The following RIC1 variants were observed in gnomAD, a reference collection of about 807,000 sequenced individuals.
RIC1 encodes the protein guanine nucleotide exchange factor subunit RIC1.
Under a neutral mutation model 169.0 loss-of-function variants are expected in RIC1, and 88 were observed. That is an observed-to-expected ratio of 0.52 (90% CI 0.44 to 0.62). The LOEUF is 0.62. Among genes scored for constraint, RIC1 ranks in the 20% least tolerant of loss-of-function variants. RIC1 has a pLI of 0.00. For synonymous variants in RIC1, 790 were observed against 601.5 expected (o/e 1.31, Z -4.59); for missense variants, 1,877 against 1,725.5 (o/e 1.09, Z -1.56).
intron 12 of RIC1, among the ~76,000 whole-genome samples, chr9:5,750,203 CA>C (rs1554680168): frequency 6.6e-6 from 1 of 151,842 alleles, no homozygotes; most frequent in Admixed American, 6.5e-5. Context: ...TTACAGAACA[CA>C]AAGTTTCTAG....
In RIC1 at chr9:5,775,179, A is replaced by C. The variant is rs1471227876; in HGVS notation, c.*933A>C. On this transcript the variant is annotated 3_prime_UTR_variant, in exon 26 of 26. Transcript: ENST00000414202. ...TCATGAAATGCAGCAAGTTTTGTGC[A>C]AATTAACATAGTCTCTTATTTATTG... is the stretch of plus-strand genomic sequence containing the variant. The C allele has an allele frequency of 6.6e-6, 1 of 152,260 alleles. No homozygotes were observed. The highest frequency in any genetic ancestry group is 1.5e-5 in the Non-Finnish European group (1 of 68,034). The allele number at this position is 152,260 out of a possible 1,614,324, so 9.4% of individuals were successfully genotyped here.
intron 1 of RIC1, 134 bp downstream of exon 1, chr9:5,629,587 C>A: frequency 9.8e-7 from 1 of 1,018,842 alleles, no homozygotes; most frequent in Non-Finnish European, 1.3e-6. Context: ...AGTCCGCGTC[C>A]TCGTTCCACC....
chr9:5,734,714 A>T (rs1347082830), intron 7 of RIC1, among the ~76,000 whole-genome samples: 1 of 151,684 alleles, frequency 6.6e-6, no homozygotes, highest in African/African-American at 2.4e-5. Flanking sequence ...CACAACTCTT[A>T]TTCCCTCCTT....
chr9:5,755,773 A>G (rs1825972459), intron 15 of RIC1, among the ~76,000 whole-genome samples: 1 of 152,036 alleles, frequency 6.6e-6, no homozygotes, highest in Non-Finnish European at 1.5e-5. Flanking sequence ...AAATGCAAAA[A>G]TTATCCAGGT....
chr9:5,679,745 T>G (rs891687862), intron 2 of RIC1, among the ~76,000 whole-genome samples: 308 of 152,290 alleles, frequency 2.0e-3, no homozygotes, highest in African/African-American at 6.7e-3. Flanking sequence ...TTTGGGCTGA[T>G]ACGATGGGGT....
intron 21 of RIC1, among the ~76,000 whole-genome samples, chr9:5,767,414 T>G (rs1052634481): frequency 7.9e-5 from 12 of 152,138 alleles, no homozygotes; most frequent in African/African-American, 2.9e-4. Context: ...TTCCTTCCTA[T>G]GTTCTTCTGT....
chr9:5,703,087 G>C (rs943690097), intron 3 of RIC1, among the ~76,000 whole-genome samples: 12 of 152,072 alleles, frequency 7.9e-5, no homozygotes, highest in Non-Finnish European at 4.4e-5. Flanking sequence ...GCCTTCACAA[G>C]AGTCCCCCAA....
chr9:5,657,543 G>A (rs565648124), intron 2 of RIC1, among the ~76,000 whole-genome samples: 39 of 152,148 alleles, frequency 2.6e-4, no homozygotes, highest in African/African-American at 8.9e-4. Context: ...TCTTATCCAA[G>A]GTTACATGCG....
intron 14 of RIC1, among the ~76,000 whole-genome samples, chr9:5,754,380 T>C (rs1825882285): frequency 6.6e-6 from 1 of 152,198 alleles, no homozygotes; most frequent in Non-Finnish European, 1.5e-5. Context: ...TGGATCATTA[T>C]TAATAAAGGC....
chr9:5,722,401 TG>T (rs1823662421), intron 6 of RIC1, among the ~76,000 whole-genome samples: 1 of 150,938 alleles, frequency 6.6e-6, no homozygotes, highest in Non-Finnish European at 1.5e-5. Flanking sequence ...AGTGTATGTG[TG>T]GGTCTATAGG....
intron 3 of RIC1, among the ~76,000 whole-genome samples, chr9:5,694,060 C>T (rs1053827539): frequency 6.6e-6 from 1 of 152,144 alleles, no homozygotes; most frequent in Non-Finnish European, 1.5e-5. Context: ...CATATAATTT[C>T]ATCAGATGGC....
At chr9:5,705,198 T>TG (rs1468384225) in intron 3 of RIC1, among the ~76,000 whole-genome samples, 1 of 150,768 alleles carries the variant, frequency 6.6e-6, no homozygotes, top group Admixed American at 6.6e-5. Flanking sequence ...TTCTGTTTTT[T>TG]TTTTTTTTTT....
chr9:5,661,266 A>AG (rs1819432559), intron 2 of RIC1, among the ~76,000 whole-genome samples: 1 of 152,148 alleles, frequency 6.6e-6, no homozygotes, highest in Admixed American at 6.6e-5. Flanking sequence ...GTCAGGTAGC[A>AG]TGATGCCTCT....
At chr9:5,632,391 A>G (rs910498210) in intron 1 of RIC1, among the ~76,000 whole-genome samples, 1 of 152,198 alleles carries the variant, frequency 6.6e-6, no homozygotes, top group Non-Finnish European at 1.5e-5. Flanking sequence ...TTTATGTACT[A>G]CTTATACCTA....
rs1198366068 is a variant in RIC1, at chr9:5,720,220, C to G, written c.479C>G (p.Ser160Cys). 8 of 1,612,896 alleles carry G rather than the reference C, an allele frequency of 5.0e-6. No individual in the cohort carries two copies. Among genetic ancestry groups the G allele is most frequent in the Non-Finnish European group, 6.8e-6 (8 of 1,179,022 alleles). Reference sequence around the variant, plus strand: ...TTGGAAGATCTCCTGGTTGCTACTTCTGATGGACTTCTTCATCTTATTCAC... The same window carrying G: ...TTGGAAGATCTCCTGGTTGCTACTTGTGATGGACTTCTTCATCTTATTCAC... Reference protein sequence around the residue: ...SVLEDLLVATSDGLLHLIHWE... With the variant: ...SVLEDLLVATCDGLLHLIHWE... The change falls in exon 5 of 26, where the codon TCT (serine) becomes TGT (cysteine). Residue 160 changes from serine to cysteine, a missense_variant. Physicochemically the swap from Ser to Cys is moderately radical, Grantham distance 112. Coordinates refer to ENST00000414202, the MANE Select transcript of RIC1 (RefSeq NM_020829.4).
rs34448140 is a variant in RIC1 at position 5,631,685 on chromosome 9, CAA to C, written c.144+2252_144+2253del. 3.5e-3 allele frequency among the ~76,000 whole-genome samples: 231 copies of C among 66,346 alleles called. 1 individual carries two copies. The highest frequency in any genetic ancestry group is 7.6e-3 in the African/African-American group (163 of 21,460). The allele number at this position is 66,346 out of a possible 152,430, so 43.5% of individuals were successfully genotyped here. A position where few individuals can be genotyped will look rare whatever the true frequency, so the allele number is the denominator to read the frequency against. Reference sequence around the variant, plus strand: ...CTGGCGACAGAGCAAGACTCTGTCTCAAAAAAAAAAAAAAAAAAAAATCAAAT... The same window carrying C: ...CTGGCGACAGAGCAAGACTCTGTCTCAAAAAAAAAAAAAAAAAAATCAAAT... On this transcript the variant is annotated intron_variant, in intron 1 of 25. Transcript: ENST00000414202.
intron 2 of RIC1, among the ~76,000 whole-genome samples, chr9:5,659,362 A>T (rs1368125057): frequency 2.6e-5 from 4 of 152,146 alleles, no homozygotes; most frequent in Non-Finnish European, 5.9e-5. Flanking sequence ...GTATTTCAGG[A>T]TATAAGTCAT....
intron 3 of RIC1, among the ~76,000 whole-genome samples, chr9:5,704,570 C>T (rs1822442425): frequency 6.6e-6 from 1 of 152,106 alleles, no homozygotes; most frequent in Non-Finnish European, 1.5e-5. Context: ...TTTATATATT[C>T]TGGATACTAC....
intron 8 of RIC1, among the ~76,000 whole-genome samples, 197 bp downstream of exon 8, chr9:5,738,735 T>A (rs2130958087): frequency 6.6e-6 from 1 of 152,194 alleles, no homozygotes; most frequent in South Asian, 2.1e-4. Context: ...AAATTAGTAT[T>A]TTGTCCATTT....
Sources: gnomAD v4.1 joint callset for allele counts (sites outside exome capture counted in the v4.1 genomes callset) on GRCh38, gnomAD v4.1.1 for gene constraint, MANE v1.5 for transcripts, NCBI Gene and HGNC (gene_info 2026-07-23, HGNC 2026-07-21) for gene names.